The following SLC37A1 variants were observed in gnomAD, a reference collection of about 807,000 sequenced individuals.
SLC37A1 encodes the protein glucose-6-phosphate exchanger SLC37A1.
A neutral mutation model predicts 75.3 loss-of-function variants in SLC37A1; 49 were observed. That is an observed-to-expected ratio of 0.65 (90% CI 0.52 to 0.83). The LOEUF (loss-of-function observed/expected upper bound fraction) is 0.83, where lower values mean the gene tolerates loss of function less well. Ranked by LOEUF, SLC37A1 falls within the 40% of genes least tolerant of loss-of-function variation. The probability of loss-of-function intolerance (pLI) is 0.00; values close to 1 mark genes in which losing one functional copy is unlikely to be tolerated. For missense variants in SLC37A1, 566 were observed against 695.0 expected (o/e 0.81, Z 2.09); for synonymous variants, 268 against 292.1 (o/e 0.92, Z 0.84).
chr21:42,510,400 A>G (rs898114158), upstream of SLC37A1, among the ~76,000 whole-genome samples: 1 of 152,242 alleles, frequency 6.6e-6, no homozygotes, highest in Non-Finnish European at 1.5e-5. Context: ...GTAAAGAGAA[A>G]GGAATCAAAG....
chr21:42,507,986 TCAGA>T (rs1402482471), intron 2 of SLC37A1, among the ~76,000 whole-genome samples: 1 of 151,570 alleles, frequency 6.6e-6, no homozygotes, highest in Admixed American at 6.6e-5. Flanking sequence ...CATTCTCCCA[TCAGA>T]CAGTGTTTGT....
upstream of SLC37A1, among the ~76,000 whole-genome samples, chr21:42,512,063 A>G (rs2054439006): frequency 3.0e-5 from 3 of 98,838 alleles, no homozygotes; most frequent in South Asian, 9.7e-4. Flanking sequence ...TAGATCTTAA[A>G]TATTCTCACC....
rs183241906 is a variant in SLC37A1, at chr21:42,552,233, A to G, written c.769-1829A>G. On this transcript the variant is annotated intron_variant, in intron 9 of 19. Coordinates refer to ENST00000352133, the MANE Select transcript of SLC37A1 (RefSeq NM_001320537.2). This position sits in a 1 kb window ranked among gnomAD's most constrained non-coding sequence, Gnocchi z 4.2. Reference sequence around the variant, plus strand: ...GGATATCTATTTTGTGCCCTAATCTAGGACCTCATTGGGTCCAAAACCCTG... The same window carrying G: ...GGATATCTATTTTGTGCCCTAATCTGGGACCTCATTGGGTCCAAAACCCTG... Among the ~76,000 whole-genome samples the G allele has an allele frequency of 5.2e-3, 793 of 152,338 alleles. 7 individuals carry two copies. Among genetic ancestry groups the G allele is most frequent in the African/African-American group, 0.016 (682 of 41,568 alleles).
intron 6 of SLC37A1, among the ~76,000 whole-genome samples, chr21:42,540,287 G>C (rs1389500867): frequency 6.6e-6 from 1 of 152,204 alleles, no homozygotes; most frequent in Non-Finnish European, 1.5e-5. Context: ...TTTGGCTCAG[G>C]GCCAGGGTTA....
At chr21:42,520,453 A>C (rs747844283) in intron 2 of SLC37A1, among the ~76,000 whole-genome samples, 1 of 152,086 alleles carries the variant, frequency 6.6e-6, no homozygotes, top group Non-Finnish European at 1.5e-5. Context: ...CATCCTCATG[A>C]TTAGATTCAG....
intron 2 of SLC37A1, among the ~76,000 whole-genome samples, chr21:42,524,791 C>T (rs1324596721): frequency 6.6e-6 from 1 of 152,204 alleles, no homozygotes; most frequent in Admixed American, 6.5e-5. Context: ...TGCTTTTGGT[C>T]TCTGGCCCTG....
At chr21:42,550,434 A>G (rs1432413497) in intron 9 of SLC37A1, among the ~76,000 whole-genome samples, 2 of 152,272 alleles carry the variant, frequency 1.3e-5, no homozygotes, top group Non-Finnish European at 2.9e-5. Context: ...ATCTAAAACA[A>G]GTAAAGAAAT....
intron 3 of SLC37A1, among the ~76,000 whole-genome samples, chr21:42,534,161 G>A (rs934815446): frequency 6.6e-6 from 1 of 152,068 alleles, no homozygotes; most frequent in African/African-American, 2.4e-5. Context: ...GCATGGATTC[G>A]TTGCCCATGC....
intron 12 of SLC37A1, 34 bp from the exon 13 acceptor site, chr21:42,563,781 C>T: frequency 1.2e-6 from 2 of 1,609,228 alleles, no homozygotes; most frequent in Non-Finnish European, 1.7e-6. Flanking sequence ...GAAGGAGATC[C>T]TCACTGTTTC....
At chr21:42,531,609 C>T (rs893789443) in intron 3 of SLC37A1, among the ~76,000 whole-genome samples, 1 of 152,130 alleles carries the variant, frequency 6.6e-6, no homozygotes, top group African/African-American at 2.4e-5. Flanking sequence ...CAAGTATTTC[C>T]GCAGGGATGG....
chr21:42,570,778 C>T (rs1019804226), intron 17 of SLC37A1, among the ~76,000 whole-genome samples: 3 of 152,238 alleles, frequency 2.0e-5, no homozygotes, highest in African/African-American at 7.2e-5. Flanking sequence ...AAGCAGAAGT[C>T]TGTGGCTAAG....
intron 11 of SLC37A1, among the ~76,000 whole-genome samples, chr21:42,559,993 A>T (rs1320922053): frequency 6.6e-6 from 1 of 151,974 alleles, no homozygotes; most frequent in East Asian, 1.9e-4. Flanking sequence ...CAAGGGAAGA[A>T]CGAGTAGCAC....
At position 42,568,447 on chromosome 21, in the gene SLC37A1, A is replaced by G. The variant is rs1357300193; in HGVS notation, c.1423+9A>G. ...CGGGACGGGCTCTGTAGGTGCGCAG[A>G]GAGTTTTAGCTCTGGGAGGTTTGGT... On this transcript the variant is annotated intron_variant, in intron 17 of 19. Transcript: ENST00000352133. The G allele has an allele frequency of 1.9e-6, 3 of 1,613,140 alleles. No homozygotes were observed. The East Asian group carries it at 6.7e-5, about 36-fold the overall frequency.
chr21:42,519,465 A>G (rs1422064201), intron 2 of SLC37A1, among the ~76,000 whole-genome samples: 5 of 152,156 alleles, frequency 3.3e-5, no homozygotes. Flanking sequence ...GGCCCCTCCT[A>G]AGGGACAGGA....
At chr21:42,504,385 A>T (rs558277723) in intron 2 of SLC37A1, among the ~76,000 whole-genome samples, 1 of 152,176 alleles carries the variant, frequency 6.6e-6, no homozygotes, top group East Asian at 1.9e-4. Context: ...TGTTTTCTTC[A>T]CCTTAATCCT....
At chr21:42,539,028 G>A (rs1289466856) in intron 5 of SLC37A1, among the ~76,000 whole-genome samples, 1 of 152,182 alleles carries the variant, frequency 6.6e-6, no homozygotes, top group East Asian at 1.9e-4. Context: ...CTTCCCCACT[G>A]AGCCCAGCCA....
At chr21:42,540,805 A>G (rs2055261361) in intron 6 of SLC37A1, among the ~76,000 whole-genome samples, 1 of 152,238 alleles carries the variant, frequency 6.6e-6, no homozygotes, top group Admixed American at 6.5e-5. Flanking sequence ...TTGCCATAAC[A>G]CTTGAAAAAG....
chr21:42,512,835 T>G (rs1295515848), upstream of SLC37A1, among the ~76,000 whole-genome samples: 1 of 152,160 alleles, frequency 6.6e-6, no homozygotes, highest in Non-Finnish European at 1.5e-5. Flanking sequence ...ATCAGAGTGT[T>G]CTAGAAACAA....
intron 18 of SLC37A1, chr21:42,575,502 G>A (rs939955426): frequency 1.8e-5 from 18 of 985,304 alleles, no homozygotes; most frequent in Non-Finnish European, 2.2e-5. Context: ...TCCTGCTTCT[G>A]TGCCCTCCTG....
Sources: gnomAD v4.1 joint callset for allele counts (sites outside exome capture counted in the v4.1 genomes callset) on GRCh38, gnomAD v4.1.1 for gene constraint, Gnocchi (gnomAD v3.1) non-coding constraint, MANE v1.5 for transcripts, NCBI Gene and HGNC (gene_info 2026-07-23, HGNC 2026-07-21) for gene names.